Variants in CDH24 observed in about 807,000 individuals in gnomAD.
CDH24 encodes the protein cadherin-24.
CDH24 carries 61 observed loss-of-function variants against 71.2 expected under a neutral mutation model. The ratio of observed to expected loss-of-function variants is 0.86; its 90% CI spans 0.70 to 1.06. The LOEUF (loss-of-function observed/expected upper bound fraction) is 1.06. Ranked by LOEUF, CDH24 falls within the 50% of genes least tolerant of loss-of-function variation. CDH24 has a pLI of 0.00. For missense variants in CDH24, 961 were observed against 1,083.7 expected (o/e 0.89, Z 1.59); for synonymous variants, 440 against 470.2 (o/e 0.94, Z 0.83).
Position 23,048,134 on chromosome 14 carries a change from T to TCGTAGC in CDH24, c.2186_2191dup (p.Gly729_Tyr730dup). ...GGAGCCGCAAGAGGAGCCGCGGCCC[T>TCGTAGC]CGTAGCCGTACACCTGCACCGAGTC... On this transcript the variant is annotated inframe_insertion, in exon 12 of 13. Coordinates refer to ENST00000487137, the MANE Select transcript of CDH24 (RefSeq NM_144985.4). 7.2e-7 allele frequency: 1 copy of TCGTAGC among 1,397,940 alleles called. No individual in the cohort carries two copies. Among genetic ancestry groups the TCGTAGC allele is most frequent in the Non-Finnish European group, 9.3e-7 (1 of 1,079,750 alleles). The allele number at this position is 1,397,940 out of a possible 1,614,324, so 86.6% of individuals were successfully genotyped here.
At position 23,048,399 on chromosome 14, in the gene CDH24, T is replaced by C; in HGVS notation, c.1927A>G (p.Asn643Asp). The C allele has an allele frequency of 6.2e-7, 1 of 1,612,444 alleles. No individual in the cohort carries two copies. The highest frequency in any genetic ancestry group is 8.5e-7 in the Non-Finnish European group (1 of 1,179,586). The change falls in exon 12 of 13, where the codon AAC becomes GAC. Residue 643 changes from asparagine (N) to aspartate (D), a missense_variant. Physicochemically the swap from Asn to Asp is conservative, Grantham distance 23. Coordinates refer to ENST00000487137, the MANE Select transcript of CDH24 (RefSeq NM_144985.4). ...MVLEEEDVRE[N>D]IITYDDEGGG... ...CCCTCGTCGTCGTAGGTGATGATGT[T>C]CTCTCGGACGTCCTCCTCCTCCAGT...
rs1373661269 is a variant in CDH24, at chr14:23,051,137, A to G, written c.1364-1194T>C. On this transcript the variant is annotated intron_variant, in intron 8 of 12. Coordinates refer to ENST00000487137, the MANE Select transcript of CDH24 (RefSeq NM_144985.4). This position sits in a 1 kb window ranked among gnomAD's most constrained non-coding sequence, Gnocchi z 4.4. ...AGACATCCATGCACTAACAGATAAC[A>G]CGTGCACTGCCAGGTAGTATCTGTG... 1.3e-5 allele frequency among the ~76,000 whole-genome samples: 2 copies of G among 152,116 alleles called. No homozygotes were observed. The highest frequency in any genetic ancestry group is 2.9e-5 in the Non-Finnish European group (2 of 68,034).
In CDH24 at chr14:23,057,092, G is replaced by T. The variant is rs1262006006; in HGVS notation, c.-125+311C>A. 6.6e-6 allele frequency among the ~76,000 whole-genome samples: 1 copy of T among 151,632 alleles called. No individual in the cohort carries two copies. Among genetic ancestry groups the T allele is most frequent in the African/African-American group, 2.4e-5 (1 of 41,252 alleles). On this transcript the variant is annotated intron_variant, in intron 1 of 12. Transcript: ENST00000487137. This position sits in a 1 kb window ranked among gnomAD's most constrained non-coding sequence, Gnocchi z 5.4. ...AGAGAAAGGCAGGAAAGGGGAGAAA[G>T]GTAGAGAAAGAAAAAGGCAAAGAGG...
In CDH24 at chr14:23,054,546, CG is replaced by C; in HGVS notation, c.743del (p.Thr248SerfsTer46). 6.2e-7 allele frequency: 1 copy of C among 1,613,940 alleles called. No individual in the cohort carries two copies. The highest frequency in any genetic ancestry group is 1.3e-5 in the African/African-American group (1 of 75,004). ...GLSGSTTVTV[T>X]LSDVNDNPPK... Reference sequence around the variant, plus strand: ...GGGGGTTGTCGTTGACATCGCTGAGCGTGACAGTCACCGTAGTGCTGCCTGA... The same window carrying C: ...GGGGGTTGTCGTTGACATCGCTGAGCTGACAGTCACCGTAGTGCTGCCTGA... On this transcript the variant is annotated frameshift_variant, in exon 5 of 13. Transcript: ENST00000487137. LOFTEE classifies it high-confidence loss of function. This position sits in a 1 kb window ranked among gnomAD's most constrained non-coding sequence, Gnocchi z 5.2.
Position 23,055,489 on chromosome 14 carries a change from T to G in CDH24, c.201+44A>C. On this transcript the variant is annotated intron_variant, in intron 2 of 12. Coordinates refer to ENST00000487137, the MANE Select transcript of CDH24 (RefSeq NM_144985.4). This position sits in a 1 kb window ranked among gnomAD's most constrained non-coding sequence, Gnocchi z 4.1. ...AGTGATGAAGTTGCAGGGCAGGGCC[T>G]GAGGGCTTGGTGTCAGAGTAGACAT... The G allele has an allele frequency of 6.2e-7, 1 of 1,606,406 alleles. No homozygotes were observed. Among genetic ancestry groups the G allele is most frequent in the Non-Finnish European group, 8.5e-7 (1 of 1,174,948 alleles).
rs2047059439 is a variant in CDH24 at position 23,048,414 on chromosome 14, C to A, written c.1912G>T (p.Glu638Ter). Residue 638 changes from glutamate (E) to a stop codon, truncating the protein, a stop_gained, in exon 12 of 13, where the codon GAG becomes TAG. Transcript: ENST00000487137. LOFTEE classifies it high-confidence loss of function. The part of the protein sequence containing the change: ...KQEALMVLEE[E>*]DVRENIITYD... Reference sequence around the variant, plus strand: ...GTGATGATGTTCTCTCGGACGTCCTCCTCCTCCAGTACCATCAGTGCTTCT... The same window carrying A: ...GTGATGATGTTCTCTCGGACGTCCTACTCCTCCAGTACCATCAGTGCTTCT... The A allele has an allele frequency of 6.2e-7, 1 of 1,612,302 alleles. No individual in the cohort carries two copies. The highest frequency in any genetic ancestry group is 1.7e-5 in the Admixed American group (1 of 59,988).
Position 23,055,666 on chromosome 14 carries a change from G to A in CDH24, c.68C>T (p.Ala23Val), listed in dbSNP as rs1566724902. 6.2e-7 allele frequency: 1 copy of A among 1,607,670 alleles called. No homozygotes were observed. The highest frequency in any genetic ancestry group is 2.0e-4 in the Middle Eastern group (1 of 4,914). ...GGACCCTGCCCAGGCCCGGGCTGGG[G>A]CTGCCAGACGCCCCATGCAGCCCCA... is the stretch of plus-strand genomic sequence containing the variant. ...GGWGCMGRLA[A>V]PARAWAGSRE... The change falls in exon 2 of 13, where the codon GCC (alanine) becomes GTC (valine). Residue 23 changes from alanine (A) to valine (V), a missense_variant. By Grantham distance (64) the Ala-to-Val change is moderately conservative (BLOSUM62 0). Transcript: ENST00000487137. This position sits in a 1 kb window ranked among gnomAD's most constrained non-coding sequence, Gnocchi z 4.1.
At chr14:23,053,012 C>T (rs1441888998) in intron 7 of CDH24, among the ~76,000 whole-genome samples, 2 of 152,102 alleles carry the variant, frequency 1.3e-5, no homozygotes, top group East Asian at 1.9e-4. Flanking sequence ...GGAATGACAC[C>T]AGTACCTCCC....
At chr14:23,049,586 G>T (rs776628061) in intron 10 of CDH24, 41 bp downstream of exon 10, 1 of 1,203,000 alleles carries the variant, frequency 8.3e-7, no homozygotes. Context: ...AGGAGAAGGG[G>T]ACAGAGGCAG....
In CDH24 at chr14:23,047,882, C is replaced by T. The variant is rs1355409866; in HGVS notation, c.*98G>A. The T allele has an allele frequency of 2.1e-6, 2 of 966,210 alleles. No individual in the cohort carries two copies. The highest frequency in any genetic ancestry group is 2.7e-6 in the Non-Finnish European group (2 of 741,364). 59.9% of individuals were successfully genotyped at this position (966,210 alleles called of 1,614,324 possible). On this transcript the variant is annotated 3_prime_UTR_variant, in exon 12 of 13. Coordinates refer to ENST00000487137, the MANE Select transcript of CDH24 (RefSeq NM_144985.4). Reference sequence around the variant, plus strand: ...CAAGGACAGGGAGGAGGCCTGGGGCCCCTGGGCTGCTGCCGCCCGCCTGGA... The same window carrying T: ...CAAGGACAGGGAGGAGGCCTGGGGCTCCTGGGCTGCTGCCGCCCGCCTGGA...
In CDH24 at chr14:23,054,371, A is replaced by G; in HGVS notation, c.785-43T>C. 6.5e-7 allele frequency: 1 copy of G among 1,545,192 alleles called. No individual in the cohort carries two copies. On this transcript the variant is annotated intron_variant, in intron 5 of 12. Coordinates refer to ENST00000487137, the MANE Select transcript of CDH24 (RefSeq NM_144985.4). The surrounding 1 kb of genome is among the most constrained non-coding windows in gnomAD (Gnocchi z 5.2). Reference sequence around the variant, plus strand: ...GAGACACCTTCTCAGAGAGGTCCCCAGCCCTCCTCCCTCCCCACAGCACTT... The same window carrying G: ...GAGACACCTTCTCAGAGAGGTCCCCGGCCCTCCTCCCTCCCCACAGCACTT...
In CDH24 at chr14:23,053,795, G is replaced by A. The variant is rs768430522; in HGVS notation, c.973-46C>T. 3 of 1,553,002 alleles carry A rather than the reference G, an allele frequency of 1.9e-6. No homozygotes were observed. The East Asian group carries it at 6.8e-5, about 35-fold the overall frequency. On this transcript the variant is annotated intron_variant, in intron 6 of 12. Transcript: ENST00000487137. ...GAAAAAGTGAGGCATGTGGAAACCA[G>A]GGCAGGTCCCAGGCTCTTGGAAGGT...
At position 23,054,911 on chromosome 14, in the gene CDH24, T is replaced by C; in HGVS notation, c.497-45A>G. The C allele has an allele frequency of 1.9e-6, 3 of 1,589,784 alleles. No individual in the cohort carries two copies. The highest frequency in any genetic ancestry group is 2.6e-6 in the Non-Finnish European group (3 of 1,170,562). On this transcript the variant is annotated intron_variant, in intron 3 of 12. Coordinates refer to ENST00000487137, the MANE Select transcript of CDH24 (RefSeq NM_144985.4). This position sits in a 1 kb window ranked among gnomAD's most constrained non-coding sequence, Gnocchi z 5.2. ...GCCATTCAGCAGCAGCAGGGAAGGA[T>C]GGGGAAGAACAACCGATGGGGGGGG...
At chr14:23,048,955 A>G in intron 11 of CDH24, 72 bp downstream of exon 11, 1 of 1,537,268 alleles carries the variant, frequency 6.5e-7, no homozygotes, top group East Asian at 2.3e-5. Context: ...CCCTGTGTCC[A>G]GAGGCCTGGT....
rs1361602330 is a variant in CDH24, at chr14:23,049,083, G to A, written c.1790C>T (p.Ala597Val). Reference protein sequence around the residue: ...SCWPEAHLSAAGLSTGALLAI... With the variant: ...SCWPEAHLSAVGLSTGALLAI... ...AAGCAGGGCGCCGGTGCTGAGCCCA[G>A]CAGCTGAGAGGTGAGCCTCAGGCCA... Residue 597 changes from alanine to valine, a missense_variant, in exon 11 of 13, where the codon GCT (alanine) becomes GTT (valine). By Grantham distance (64) the Ala-to-Val change is moderately conservative. Around this residue, in one of 2 missense-constraint regions of CDH24, gnomAD observed 671 missense variants for 810.9 expected, o/e 0.83. Transcript: ENST00000487137. The A allele has an allele frequency of 6.2e-7, 1 of 1,612,330 alleles. No individual in the cohort carries two copies. Among genetic ancestry groups the A allele is most frequent in the Non-Finnish European group, 8.5e-7 (1 of 1,179,640 alleles).
At chr14:23,053,007 G>T (rs1001936379) in intron 7 of CDH24, among the ~76,000 whole-genome samples, 4 of 152,136 alleles carry the variant, frequency 2.6e-5, no homozygotes, top group Non-Finnish European at 5.9e-5. Flanking sequence ...AAGTGGGAAT[G>T]ACACCAGTAC....
chr14:23,053,243 C>G (rs979495628), intron 7 of CDH24, among the ~76,000 whole-genome samples: 4 of 152,170 alleles, frequency 2.6e-5, no homozygotes. Flanking sequence ...GAGACTATAT[C>G]CACTTGCACT....
intron 10 of CDH24, 41 bp from the exon 11 acceptor site, chr14:23,049,316 C>T (rs2139940791): frequency 1.3e-6 from 2 of 1,529,570 alleles, no homozygotes; most frequent in African/African-American, 1.4e-5. Flanking sequence ...TCTGGGACAC[C>T]TTCCAGGTAG....
chr14:23,053,466 G>T, intron 7 of CDH24, 30 bp downstream of exon 7: 1 of 1,526,040 alleles, frequency 6.6e-7, no homozygotes. Context: ...CTGCCATCTG[G>T]CTCCCCAGCC....
Sources: allele counts gnomAD v4.1 joint callset (sites outside exome capture counted in the v4.1 genomes callset), GRCh38; gene constraint gnomAD v4.1.1; regional missense constraint gnomAD v4.1.1; non-coding constraint Gnocchi (gnomAD v3.1); transcripts MANE v1.5; gene names NCBI Gene and HGNC (gene_info 2026-07-23, HGNC 2026-07-21).